TNPO1: variants seen among roughly 807,000 people sequenced by gnomAD.
The protein encoded by TNPO1 is transportin-1.
A neutral mutation model predicts 119.5 loss-of-function variants in TNPO1; 8 were observed. That is an observed-to-expected ratio of 0.07 (90% CI 0.04 to 0.12). TNPO1 has a LOEUF of 0.12. Among genes scored for constraint, TNPO1 ranks in the 10% least tolerant of loss-of-function variants. The pLI is 1.00. For synonymous variants in TNPO1, 362 were observed against 363.0 expected, an observed-to-expected ratio of 1.00 and a Z score of 0.03; for missense variants, 576 against 1,089.8, an observed-to-expected ratio of 0.53 and a Z score of 6.64.
At chr5:72,902,415 C>T (rs1192309936) in intron 22 of TNPO1, among the ~76,000 whole-genome samples, 1 of 152,058 alleles carries the variant, frequency 6.6e-6, no homozygotes, top group East Asian at 1.9e-4. Context: ...ACTGATTTCA[C>T]ACTCATAAAA....
chr5:72,851,573 AT>A (rs1300014514), intron 3 of TNPO1, among the ~76,000 whole-genome samples: 1 of 152,150 alleles, frequency 6.6e-6, no homozygotes, highest in Non-Finnish European at 1.5e-5. Flanking sequence ...GCTCACTACA[AT>A]ATCTGCCTCC....
chr5:72,822,908 C>CTTT (rs56331096), intron 1 of TNPO1, among the ~76,000 whole-genome samples: 4 of 76,080 alleles, frequency 5.3e-5, no homozygotes, highest in South Asian at 5.1e-4. Flanking sequence ...TGGGTCTACA[C>CTTT]TTTTTTTTTT....
At chr5:72,887,502 C>T (rs1490255341) in intron 12 of TNPO1, among the ~76,000 whole-genome samples, 1 of 152,170 alleles carries the variant, frequency 6.6e-6, no homozygotes, top group African/African-American at 2.4e-5. Flanking sequence ...GCCTGGTTAA[C>T]ATGGCGAAAC....
chr5:72,885,438 C>T (rs759434049), intron 11 of TNPO1, among the ~76,000 whole-genome samples: 15 of 152,236 alleles, frequency 9.9e-5, no homozygotes, highest in Non-Finnish European at 1.6e-4. Flanking sequence ...TTCCTCTTCA[C>T]ATCCCATTCT....
Position 72,911,025 on chromosome 5 carries a change from TA to T in TNPO1, c.*2353del, listed in dbSNP as rs1427950714. 6.6e-6 allele frequency: 1 copy of T among 152,064 alleles called. No homozygotes were observed. The highest frequency in any genetic ancestry group is 1.5e-5 in the Non-Finnish European group (1 of 67,944). The allele number at this position is 152,064 out of a possible 1,614,324, so 9.4% of individuals were successfully genotyped here. On this transcript the variant is annotated 3_prime_UTR_variant, in exon 25 of 25. Coordinates refer to ENST00000337273, the MANE Select transcript of TNPO1 (RefSeq NM_002270.4). ...TCCCTGTTAGTCTTTAATAACTGAG[TA>T]GAGTAGCTTTTTTATTCTTAGATTA...
At chr5:72,857,180 T>C (rs1218223986) in intron 4 of TNPO1, among the ~76,000 whole-genome samples, 1 of 151,974 alleles carries the variant, frequency 6.6e-6, no homozygotes, top group East Asian at 1.9e-4. Flanking sequence ...TAGCCAGGTG[T>C]GGTGGCGTGT....
At chr5:72,899,876 A>G in intron 20 of TNPO1, 130 bp from the exon 21 acceptor site, 1 of 708,458 alleles carries the variant, frequency 1.4e-6, no homozygotes. Context: ...GTTTATTATC[A>G]TACACAAATT....
intron 6 of TNPO1, among the ~76,000 whole-genome samples, chr5:72,866,017 G>T (rs1464679388): frequency 6.6e-6 from 1 of 151,856 alleles, no homozygotes; most frequent in Non-Finnish European, 1.5e-5. Flanking sequence ...TTTATTTAAG[G>T]CCAGGATTAG....
intron 9 of TNPO1, among the ~76,000 whole-genome samples, chr5:72,880,142 C>T (rs1055756296): frequency 4.6e-5 from 7 of 151,858 alleles, no homozygotes; most frequent in African/African-American, 1.5e-4. Context: ...AGCTATGAGC[C>T]GAAATGGCAC....
chr5:72,871,479 A>G (rs992241402), intron 6 of TNPO1, among the ~76,000 whole-genome samples: 2 of 152,200 alleles, frequency 1.3e-5, no homozygotes, highest in African/African-American at 2.4e-5. Flanking sequence ...AAAGGTTTTC[A>G]TGGGGTTATA....
At chr5:72,816,943 T>A in intron 1 of TNPO1, 191 bp downstream of exon 1, 1 of 600,984 alleles carries the variant, frequency 1.7e-6, no homozygotes. Context: ...CCAGGCGCCC[T>A]GCGGGACCCG....
chr5:72,868,172 C>T (rs980832930), intron 6 of TNPO1, among the ~76,000 whole-genome samples: 1 of 151,602 alleles, frequency 6.6e-6, no homozygotes, highest in Non-Finnish European at 1.5e-5. Context: ...GTGGCTCACG[C>T]CTGTAATCCC....
At chr5:72,899,917 G>T in intron 20 of TNPO1, 89 bp from the exon 21 acceptor site, 1 of 1,038,002 alleles carries the variant, frequency 9.6e-7, no homozygotes, top group Admixed American at 2.0e-5. Context: ...GTTATTTGTT[G>T]TTTTTTCTTT....
At chr5:72,873,642 T>TC (rs1202689190) in intron 7 of TNPO1, among the ~76,000 whole-genome samples, 2 of 152,166 alleles carry the variant, frequency 1.3e-5, no homozygotes, top group Non-Finnish European at 2.9e-5. Flanking sequence ...CAAGGTGTTT[T>TC]CTTTCAGTCT....
chr5:72,878,452 CAAAAA>C (rs567685000), intron 9 of TNPO1: 1 of 128,488 alleles, frequency 7.8e-6, no homozygotes, highest in African/African-American at 2.9e-5. Context: ...TCTGGATAAG[CAAAAA>C]AAAAAAAAGT....
At chr5:72,873,231 A>G (rs1360564793) in intron 7 of TNPO1, among the ~76,000 whole-genome samples, 1 of 152,158 alleles carries the variant, frequency 6.6e-6, no homozygotes, top group Non-Finnish European at 1.5e-5. Flanking sequence ...GAAAGAAAAG[A>G]GCATAATTTT....
intron 18 of TNPO1, among the ~76,000 whole-genome samples, chr5:72,895,859 TTTGA>T (rs997663762): frequency 5.6e-4 from 86 of 152,288 alleles, no homozygotes; most frequent in African/African-American, 1.9e-3. Flanking sequence ...TTTGTTTTTG[TTTGA>T]TTGTTTTTAG....
intron 19 of TNPO1, 43 bp downstream of exon 19, chr5:72,896,599 G>A: frequency 6.6e-7 from 1 of 1,513,554 alleles, no homozygotes; most frequent in Non-Finnish European, 9.1e-7. Flanking sequence ...GCCTGGCGCG[G>A]TGGCTCACGC....
chr5:72,872,701 A>G lies in TNPO1; in HGVS notation c.659A>G (p.His220Arg), dbSNP rs1230185155. 1.2e-6 allele frequency: 2 copies of G among 1,608,238 alleles called. No individual in the cohort carries two copies. Among genetic ancestry groups the G allele is most frequent in the South Asian group, 1.1e-5 (1 of 89,642 alleles). The change falls in exon 7 of 25, where the codon CAC (histidine) becomes CGC (arginine). Residue 220 changes from histidine to arginine, a missense_variant. This residue lies in a region of TNPO1 where 310 missense variants were observed against 583.0 expected (regional missense o/e 0.53). Transcript: ENST00000337273. Reference sequence around the variant, plus strand: ...AGTAGGACTCAAGCTCTAATGTTGCACATTGATTCTTTTATTGAGGTAAGA... The same window carrying G: ...AGTAGGACTCAAGCTCTAATGTTGCGCATTGATTCTTTTATTGAGGTAAGA... ...IISRTQALML[H>R]IDSFIENLFA... is the part of the protein sequence containing the mutation.
Sources: gnomAD v4.1 joint callset for allele counts (sites outside exome capture counted in the v4.1 genomes callset) on GRCh38, gnomAD v4.1.1 for gene constraint, gnomAD v4.1.1 regional missense constraint, MANE v1.5 for transcripts, NCBI Gene and HGNC (gene_info 2026-07-23, HGNC 2026-07-21) for gene names.